Variants in ARHGEF11 observed in about 807,000 individuals in gnomAD.
ARHGEF11 encodes Rho guanine exchange factor (GEF) 11.
Under a neutral mutation model 193.7 loss-of-function variants are expected in ARHGEF11, and 55 were observed. The ratio of observed to expected loss-of-function variants is 0.28; its 90% CI spans 0.23 to 0.36. The LOEUF (loss-of-function observed/expected upper bound fraction) is 0.36, where lower values mean the gene tolerates loss of function less well. Ranked by LOEUF, ARHGEF11 falls within the 10% of genes least tolerant of loss-of-function variation. The pLI is 1.00. For synonymous variants in ARHGEF11, 693 were observed against 768.0 expected (o/e 0.90, Z 1.62); for missense variants, 1,723 against 2,005.6 (o/e 0.86, Z 2.69).
chr1:157,000,305 T>A (rs1222645531), intron 1 of ARHGEF11, among the ~76,000 whole-genome samples: 2 of 152,222 alleles, frequency 1.3e-5, no homozygotes, highest in African/African-American at 4.8e-5. Context: ...CCTGAAAAGA[T>A]AAGTAAATAT....
In ARHGEF11 at chr1:157,034,049, T is replaced by C. The variant is rs760679281; in HGVS notation, c.32+10250A>G. ...AGATTTGTTAAACAGACCAAGCTTC[T>C]TATTTGAGGGATGGCATGAATGTTT... is the stretch of plus-strand genomic sequence containing the variant. On this transcript the variant is annotated intron_variant, in intron 1 of 40. Transcript: ENST00000368194. Among the ~76,000 whole-genome samples, 13 of 152,326 alleles carry C rather than the reference T, an allele frequency of 8.5e-5. No homozygotes were observed. In the South Asian group the frequency reaches 1.2e-3, roughly 15 times the overall value.
intron 21 of ARHGEF11, among the ~76,000 whole-genome samples, chr1:156,953,270 C>T (rs549240285): frequency 1.5e-4 from 23 of 152,282 alleles, no homozygotes; most frequent in African/African-American, 5.3e-4. Flanking sequence ...TAGTGAGACC[C>T]TCTCTCTACA....
chr1:156,974,571 A>G (rs913178463), intron 7 of ARHGEF11, among the ~76,000 whole-genome samples: 3 of 152,224 alleles, frequency 2.0e-5, no homozygotes, highest in East Asian at 1.9e-4. Context: ...GGTCTCTAGT[A>G]TATTCACGGA....
intron 17 of ARHGEF11, among the ~76,000 whole-genome samples, chr1:156,958,292 T>A (rs1230465153): frequency 6.6e-6 from 1 of 152,182 alleles, no homozygotes; most frequent in East Asian, 1.9e-4. Context: ...CCTTAGTATA[T>A]TGCACTAGTT....
Position 157,013,259 on chromosome 1 carries a change from T to TCTCACACACACA in ARHGEF11, c.33-27087_33-27086insTGTGTGTGTGAG, listed in dbSNP as rs1553228459. Among the ~76,000 whole-genome samples the TCTCACACACACA allele has an allele frequency of 4.0e-3, 434 of 109,568 alleles. 5 individuals carry two copies. Among genetic ancestry groups the TCTCACACACACA allele is most frequent in the East Asian group, 0.014 (54 of 3,998 alleles). The allele number at this position is 109,568 out of a possible 152,430, so 71.9% of individuals were successfully genotyped here. A position where few individuals can be genotyped will look rare whatever the true frequency, so the allele number is the denominator to read the frequency against. On this transcript the variant is annotated intron_variant, in intron 1 of 40. Coordinates refer to ENST00000368194, the MANE Select transcript of ARHGEF11 (RefSeq NM_198236.3). The stretch of plus-strand genomic sequence containing the variant: ...CCCAACTGCTCATAACTCCCCACTA[T>TCTCACACACACA]CACTCACACACACACACACACACAC...
rs189856752 is a variant in ARHGEF11 at position 157,035,862 on chromosome 1, T to C, written c.32+8437A>G. Among the ~76,000 whole-genome samples, 1,183 of 131,126 alleles carry C rather than the reference T, an allele frequency of 9.0e-3. 91 individuals carry two copies. Among genetic ancestry groups the C allele is most frequent in the South Asian group, 0.016 (60 of 3,674 alleles). The allele number at this position is 131,126 out of a possible 152,430, so 86.0% of individuals were successfully genotyped here. A position where few individuals can be genotyped will look rare whatever the true frequency, so the allele number is the denominator to read the frequency against. On this transcript the variant is annotated intron_variant, in intron 1 of 40. Coordinates refer to ENST00000368194, the MANE Select transcript of ARHGEF11 (RefSeq NM_198236.3). The stretch of plus-strand genomic sequence containing the variant: ...ATATATATGTATATATTTAGGAATA[T>C]ATATAGGAATATATATAGGAATATA...
Position 157,035,789 on chromosome 1 carries a change from T to TAC in ARHGEF11, c.32+8509_32+8510insGT, listed in dbSNP as rs1273006843. ...ATATATATACAGGAATATATATATA[T>TAC]AGGAATATATATACAGGAATATATA... On this transcript the variant is annotated intron_variant, in intron 1 of 40. Coordinates refer to ENST00000368194, the MANE Select transcript of ARHGEF11 (RefSeq NM_198236.3). Among the ~76,000 whole-genome samples the TAC allele has an allele frequency of 3.3e-5, 4 of 119,552 alleles. No homozygotes were observed. The South Asian group carries it at 7.8e-4, about 23-fold the overall frequency. 78.4% of individuals were successfully genotyped at this position (119,552 alleles called of 152,430 possible).
At chr1:156,958,959 A>G in intron 16 of ARHGEF11, 87 bp downstream of exon 16, 1 of 1,608,456 alleles carries the variant, frequency 6.2e-7, no homozygotes. Flanking sequence ...ATAACAAGAG[A>G]TATGTGCACG....
chr1:156,935,791 TAAGG>T lies in ARHGEF11; in HGVS notation c.*205_*208del, dbSNP rs1202616068. On this transcript the variant is annotated 3_prime_UTR_variant, in exon 41 of 41. Coordinates refer to ENST00000368194, the MANE Select transcript of ARHGEF11 (RefSeq NM_198236.3). ...GACATGAGGCCTTGGAGGGTTGGGC[TAAGG>T]GAGGGAAAAGACACTGAAACCTGAC... is the stretch of plus-strand genomic sequence containing the variant. 4 of 584,794 alleles carry T rather than the reference TAAGG, an allele frequency of 6.8e-6. No homozygotes were observed. The allele number at this position is 584,794 out of a possible 1,614,324, so 36.2% of individuals were successfully genotyped here. A position where few individuals can be genotyped will look rare whatever the true frequency, so the allele number is the denominator to read the frequency against.
chr1:156,966,123 CACA>C (rs1661641524), intron 11 of ARHGEF11, among the ~76,000 whole-genome samples: 1 of 152,168 alleles, frequency 6.6e-6, no homozygotes, highest in South Asian at 2.1e-4. Flanking sequence ...TTACTAAAAT[CACA>C]ACACCACCAA....
At chr1:156,945,312 G>T in intron 29 of ARHGEF11, 115 bp from the exon 30 acceptor site, 1 of 1,218,550 alleles carries the variant, frequency 8.2e-7, no homozygotes, top group Non-Finnish European at 1.1e-6. Context: ...ACCAGCAGGC[G>T]TGGGTGGAGG....
rs752544232 is a variant in ARHGEF11, at chr1:157,017,415, G to A, written c.32+26884C>T. ...ACTAAATGTTCACTGAATTAATAAAGAAATGGAGAAGGCCGGGCGCAGTGG... is the reference window on the plus strand; with the variant it reads ...ACTAAATGTTCACTGAATTAATAAAAAAATGGAGAAGGCCGGGCGCAGTGG... On this transcript the variant is annotated intron_variant, in intron 1 of 40. Transcript: ENST00000368194. Among the ~76,000 whole-genome samples the A allele has an allele frequency of 3.2e-4, 49 of 152,176 alleles. 1 individual carries two copies. Among genetic ancestry groups the A allele is most frequent in the Non-Finnish European group, 5.3e-4 (36 of 67,994 alleles).
chr1:157,009,971 CA>C (rs1169178108), intron 1 of ARHGEF11, among the ~76,000 whole-genome samples: 1 of 152,116 alleles, frequency 6.6e-6, no homozygotes, highest in Non-Finnish European at 1.5e-5. Flanking sequence ...CCCTCAAAAA[CA>C]GATGAAAACC....
At position 156,941,786 on chromosome 1, in the gene ARHGEF11, G is replaced by A. The variant is rs1241177818; in HGVS notation, c.3452+78C>T. ...CTGTTGTGGCTGTCTACCCACGGGG[G>A]CGAAGGGCTTAAAAGCAGCAGGAAA... On this transcript the variant is annotated intron_variant, in intron 34 of 40. Transcript: ENST00000368194. 21 of 1,523,148 alleles carry A rather than the reference G, an allele frequency of 1.4e-5. No individual in the cohort carries two copies. The Admixed American group carries it at 3.9e-4, about 28-fold the overall frequency. 94.4% of individuals were successfully genotyped at this position (1,523,148 alleles called of 1,614,324 possible).
chr1:156,979,336 A>T, intron 4 of ARHGEF11, 50 bp from the exon 5 acceptor site: 53 of 1,159,460 alleles, frequency 4.6e-5, no homozygotes, highest in Non-Finnish European at 6.2e-5. Context: ...CAGCTAGGGG[A>T]TCCTTCTGTA....
chr1:156,943,336 C>T (rs1657472051), intron 32 of ARHGEF11, among the ~76,000 whole-genome samples: 1 of 152,228 alleles, frequency 6.6e-6, no homozygotes, highest in Non-Finnish European at 1.5e-5. Context: ...GCTGGGATTA[C>T]AGGCATGAGC....
intron 1 of ARHGEF11, among the ~76,000 whole-genome samples, chr1:156,995,590 C>G (rs888357506): frequency 6.7e-5 from 10 of 149,840 alleles, no homozygotes; most frequent in Non-Finnish European, 1.5e-4. Flanking sequence ...GGGTCTCACT[C>G]TGTTGCCCAG....
chr1:157,036,813 C>T (rs1166095428), intron 1 of ARHGEF11, among the ~76,000 whole-genome samples: 3 of 152,106 alleles, frequency 2.0e-5, no homozygotes, highest in East Asian at 3.9e-4. Flanking sequence ...GTCCACCAGT[C>T]TCATAAATTT....
chr1:156,948,796 T>G lies in ARHGEF11; in HGVS notation c.1926-298A>C, dbSNP rs1447234042. On this transcript the variant is annotated intron_variant, in intron 22 of 40. Coordinates refer to ENST00000368194, the MANE Select transcript of ARHGEF11 (RefSeq NM_198236.3). This position sits in a 1 kb window ranked among gnomAD's most constrained non-coding sequence, Gnocchi z 4.2. ...GATGAAATCTGGGGCTAACAGACTC[T>G]GAGTTGTAGTGTGTCCAGAGGCCTG... The G allele has an allele frequency of 3.0e-6, 3 of 985,342 alleles. No individual in the cohort carries two copies. Among genetic ancestry groups the G allele is most frequent in the Non-Finnish European group, 3.6e-6 (3 of 829,948 alleles). The allele number at this position is 985,342 out of a possible 1,614,324, so 61.0% of individuals were successfully genotyped here. A position where few individuals can be genotyped will look rare whatever the true frequency, so the allele number is the denominator to read the frequency against.
Sources: allele counts gnomAD v4.1 joint callset (sites outside exome capture counted in the v4.1 genomes callset), GRCh38; gene constraint gnomAD v4.1.1; non-coding constraint Gnocchi (gnomAD v3.1); transcripts MANE v1.5; gene names NCBI Gene and HGNC (gene_info 2026-07-23, HGNC 2026-07-21).